Variants in PTPRM observed in about 807,000 individuals in gnomAD.
PTPRM encodes protein tyrosine phosphatase receptor type M, also known as receptor-type tyrosine-protein phosphatase mu.
Under a neutral mutation model 186.7 loss-of-function variants are expected in PTPRM, and 47 were observed. The observed-to-expected ratio is 0.25, with a 90% CI of 0.20 to 0.32. PTPRM has a LOEUF of 0.32. PTPRM is among the 10% of genes least tolerant of loss of function. The pLI is 1.00. For missense variants in PTPRM, 1,494 were observed against 1,865.0 expected (o/e 0.80, Z 3.66); for synonymous variants, 668 against 674.9 (o/e 0.99, Z 0.16).
intron 14 of PTPRM, among the ~76,000 whole-genome samples, chr18:8,239,771 A>C (rs1310513587): frequency 3.9e-5 from 6 of 152,202 alleles, no homozygotes; most frequent in African/African-American, 1.4e-4. Flanking sequence ...TGTTAGGAAA[A>C]AGTTATGACT....
At chr18:8,204,773 A>G (rs2093904796) in intron 14 of PTPRM, among the ~76,000 whole-genome samples, 1 of 150,422 alleles carries the variant, frequency 6.6e-6, no homozygotes. Flanking sequence ...AACAAAAACA[A>G]AAAAAAAACA....
chr18:7,946,414 A>G (rs1568053135), intron 5 of PTPRM, among the ~76,000 whole-genome samples: 1 of 152,230 alleles, frequency 6.6e-6, no homozygotes, highest in Non-Finnish European at 1.5e-5. Flanking sequence ...ACTTACAGAT[A>G]TGCAATCTGC....
chr18:7,837,723 A>C (rs1255351110), intron 2 of PTPRM, among the ~76,000 whole-genome samples: 1 of 152,220 alleles, frequency 6.6e-6, no homozygotes, highest in African/African-American at 2.4e-5. Flanking sequence ...GATTACAGGC[A>C]TGAGCCACTG....
Position 7,792,140 on chromosome 18 carries a change from C to T in PTPRM, c.196+17869C>T, listed in dbSNP as rs560861184. 3.9e-5 allele frequency among the ~76,000 whole-genome samples: 6 copies of T among 152,192 alleles called. No individual in the cohort carries two copies. In the South Asian group the frequency reaches 8.3e-4, roughly 21 times the overall value. ...TCAAAAAATCAATACTAAAAGTAAACGGATTTTTAATACATCTGAAGGAGC... is the reference window on the plus strand; with the variant it reads ...TCAAAAAATCAATACTAAAAGTAAATGGATTTTTAATACATCTGAAGGAGC... On this transcript the variant is annotated intron_variant, in intron 2 of 32. Transcript: ENST00000580170.
chr18:8,264,217 G>A (rs550988936), intron 19 of PTPRM, among the ~76,000 whole-genome samples: 4 of 152,248 alleles, frequency 2.6e-5, no homozygotes, highest in African/African-American at 9.6e-5. Flanking sequence ...AAGCACTTTG[G>A]CTTTTCCTAT....
chr18:7,992,498 G>GTCA (rs1461371475), intron 7 of PTPRM, among the ~76,000 whole-genome samples: 1 of 152,066 alleles, frequency 6.6e-6, no homozygotes, highest in Non-Finnish European at 1.5e-5. Flanking sequence ...TAGCTTTCTT[G>GTCA]TCATCATCAT....
chr18:8,086,189 G>A (rs2090424626), intron 10 of PTPRM, among the ~76,000 whole-genome samples: 2 of 152,136 alleles, frequency 1.3e-5, no homozygotes, highest in Admixed American at 6.5e-5. Flanking sequence ...CAGTACTGTT[G>A]GAAAAATCTC....
At chr18:7,868,212 TTGTC>T (rs2047811166) in intron 2 of PTPRM, among the ~76,000 whole-genome samples, 1 of 152,172 alleles carries the variant, frequency 6.6e-6, no homozygotes, top group African/African-American at 2.4e-5. Context: ...GTCAAACTCA[TTGTC>T]TGTCGAAGTT....
chr18:8,012,525 A>G (rs771865480), intron 7 of PTPRM, among the ~76,000 whole-genome samples: 4 of 152,182 alleles, frequency 2.6e-5, no homozygotes, highest in Admixed American at 6.5e-5. Context: ...ACACACCTAC[A>G]TGGTTGAGCC....
chr18:8,022,582 C>A (rs2147977251), intron 7 of PTPRM, among the ~76,000 whole-genome samples: 1 of 152,274 alleles, frequency 6.6e-6, no homozygotes, highest in East Asian at 1.9e-4. Context: ...AACAGGTCTC[C>A]ACCCACCGTT....
intron 11 of PTPRM, among the ~76,000 whole-genome samples, chr18:8,092,798 C>T (rs1017339313): frequency 6.6e-6 from 1 of 152,112 alleles, no homozygotes; most frequent in South Asian, 2.1e-4. Flanking sequence ...GACCCTGTCT[C>T]TACAAAAAAG....
chr18:7,607,885 G>A lies in PTPRM; in HGVS notation c.73+39994G>A, dbSNP rs116153802. Among the ~76,000 whole-genome samples the A allele has an allele frequency of 7.4e-3, 1,130 of 152,324 alleles. 10 individuals carry two copies. The highest frequency in any genetic ancestry group is 0.025 in the African/African-American group (1,051 of 41,574). On this transcript the variant is annotated intron_variant, in intron 1 of 32. Transcript: ENST00000580170. Reference sequence around the variant, plus strand: ...GCCCCGCTGTCTGATATTTAATCCCGAATGGTGTAGGGGGTGAAGAGAGTG... The same window carrying A: ...GCCCCGCTGTCTGATATTTAATCCCAAATGGTGTAGGGGGTGAAGAGAGTG...
intron 1 of PTPRM, among the ~76,000 whole-genome samples, chr18:7,627,672 C>T (rs570561257): frequency 6.6e-6 from 1 of 152,290 alleles, no homozygotes; most frequent in African/African-American, 2.4e-5. Flanking sequence ...TCGGCGGGCA[C>T]CAGAGGCATG....
At chr18:7,577,091 TC>T (rs1440373953) in intron 1 of PTPRM, among the ~76,000 whole-genome samples, 1 of 152,164 alleles carries the variant, frequency 6.6e-6, no homozygotes, top group Non-Finnish European at 1.5e-5. Context: ...GTTTTTTTTT[TC>T]CTACTTCCTA....
chr18:8,227,941 C>G (rs191634129), intron 14 of PTPRM, among the ~76,000 whole-genome samples: 245 of 152,188 alleles, frequency 1.6e-3, no homozygotes, highest in Admixed American at 3.5e-3. Context: ...CGGTTCCAGC[C>G]CCTCTGGATT....
chr18:8,235,476 T>TTTTTG (rs1481569126), intron 14 of PTPRM, among the ~76,000 whole-genome samples: 24 of 136,762 alleles, frequency 1.8e-4, no homozygotes, highest in East Asian at 4.1e-4. Flanking sequence ...TTTTTTTTTT[T>TTTTTG]TTTAGCCTGG....
At chr18:8,308,072 A>C (rs1029327041) in intron 20 of PTPRM, among the ~76,000 whole-genome samples, 15 of 152,224 alleles carry the variant, frequency 9.9e-5, no homozygotes, top group African/African-American at 3.1e-4. Context: ...CATCTTAACC[A>C]TTTTTAAGGT....
At chr18:7,886,569 TA>T (rs1351062388) in intron 2 of PTPRM, among the ~76,000 whole-genome samples, 7 of 152,214 alleles carry the variant, frequency 4.6e-5, no homozygotes, top group African/African-American at 1.7e-4. Flanking sequence ...ATTTTTTTCA[TA>T]TGTGTTCAAA....
rs566207219 is a variant in PTPRM at position 8,400,703 on chromosome 18, G to A, written c.4345-5406G>A. Among the ~76,000 whole-genome samples, 6 of 152,200 alleles carry A rather than the reference G, an allele frequency of 3.9e-5. No individual in the cohort carries two copies. In the South Asian group the frequency reaches 1.0e-3, roughly 26 times the overall value. On this transcript the variant is annotated intron_variant, in intron 32 of 32. Transcript: ENST00000580170. ...GTTGCCCCCTCTGTAACTTACAGCCGACCCTCCAGACTCAGCCTCACCTCC... is the reference window on the plus strand; with the variant it reads ...GTTGCCCCCTCTGTAACTTACAGCCAACCCTCCAGACTCAGCCTCACCTCC...
Sources: gnomAD v4.1 joint callset for allele counts (sites outside exome capture counted in the v4.1 genomes callset) on GRCh38, gnomAD v4.1.1 for gene constraint, MANE v1.5 for transcripts, NCBI Gene and HGNC (gene_info 2026-07-23, HGNC 2026-07-21) for gene names.